Variants in SMTN observed in about 807,000 individuals in gnomAD.
SMTN encodes the protein smoothelin.
Under a neutral mutation model 102.0 loss-of-function variants are expected in SMTN, and 58 were observed. The ratio of observed to expected loss-of-function variants is 0.57; its 90% CI spans 0.46 to 0.71. The LOEUF (loss-of-function observed/expected upper bound fraction) is 0.71, where lower values mean the gene tolerates loss of function less well. Among genes scored for constraint, SMTN ranks in the 30% least tolerant of loss-of-function variants. SMTN has a pLI of 0.00. For synonymous variants in SMTN, 478 were observed against 497.9 expected, an observed-to-expected ratio of 0.96 and a Z score of 0.53; for missense variants, 1,185 against 1,241.7, an observed-to-expected ratio of 0.95 and a Z score of 0.69.
At position 31,083,327 on chromosome 22, in the gene SMTN, C is replaced by T; in HGVS notation, c.51+18C>T. The T allele has an allele frequency of 1.3e-6, 2 of 1,543,470 alleles. No individual in the cohort carries two copies. Among genetic ancestry groups the T allele is most frequent in the Non-Finnish European group, 1.7e-6 (2 of 1,144,736 alleles). Reference sequence around the variant, plus strand: ...GGAAGCTGGTAAGTGGCCCCATCACCCACTGTGGGGACAGGAAAGCCAAGC... The same window carrying T: ...GGAAGCTGGTAAGTGGCCCCATCACTCACTGTGGGGACAGGAAAGCCAAGC... On this transcript the variant is annotated intron_variant, in intron 2 of 20. Transcript: ENST00000333137.
chr22:31,075,081 G>A (rs759926641), intron 1 of SMTN, among the ~76,000 whole-genome samples: 25 of 152,096 alleles, frequency 1.6e-4, no homozygotes, highest in Non-Finnish European at 3.2e-4. Context: ...TGTCCCCACC[G>A]TACTCAAGTT....
intron 17 of SMTN, 66 bp from the exon 18 acceptor site, chr22:31,098,996 C>G: frequency 6.5e-7 from 1 of 1,547,406 alleles, no homozygotes; most frequent in East Asian, 2.2e-5. Context: ...CTGGGATCCA[C>G]TGGGTGGGCC....
In SMTN at chr22:31,104,129, C is replaced by A. The variant is rs1358387181; in HGVS notation, c.*21-187C>A. Reference sequence around the variant, plus strand: ...ACCTGCCTAGCTCTGCTCCCCCGCCCCGAGAGATGCCTCCAGGCTTGGGTA... The same window carrying A: ...ACCTGCCTAGCTCTGCTCCCCCGCCACGAGAGATGCCTCCAGGCTTGGGTA... On this transcript the variant is annotated intron_variant, in intron 20 of 20. Coordinates refer to ENST00000333137, the MANE Select transcript of SMTN (RefSeq NM_134269.3). 3.8e-5 allele frequency: 24 copies of A among 637,868 alleles called. No homozygotes were observed. The Admixed American group carries it at 7.1e-4, about 19-fold the overall frequency. The allele number at this position is 637,868 out of a possible 1,614,324, so 39.5% of individuals were successfully genotyped here. A position where few individuals can be genotyped will look rare whatever the true frequency, so the allele number is the denominator to read the frequency against.
At chr22:31,077,061 G>A (rs2042147103), upstream of SMTN, among the ~76,000 whole-genome samples, 1 of 152,144 alleles carries the variant, frequency 6.6e-6, no homozygotes, top group Non-Finnish European at 1.5e-5. Flanking sequence ...CAGTGCTCAG[G>A]CGTCATCCAA....
rs558445674 is a variant in SMTN at position 31,095,863 on chromosome 22, C to T, written c.1861+254C>T. ...CTTCTCCTTCCTAGACCCAGATACT[C>T]CCTCCCGCAGCTACTCTCTCCTTGG... is the stretch of plus-strand genomic sequence containing the variant. On this transcript the variant is annotated intron_variant, in intron 13 of 20. Transcript: ENST00000333137. The surrounding 1 kb of genome is among the most constrained non-coding windows in gnomAD (Gnocchi z 4.1). 1.3e-5 allele frequency: 7 copies of T among 558,380 alleles called. 1 individual carries two copies. In the African/African-American group the frequency reaches 1.3e-4, roughly 11 times the overall value. 34.6% of individuals were successfully genotyped at this position (558,380 alleles called of 1,614,324 possible). A position where few individuals can be genotyped will look rare whatever the true frequency, so the allele number is the denominator to read the frequency against.
chr22:31,091,235 G>A lies in SMTN; in HGVS notation c.1212G>A (p.Leu404=), dbSNP rs2043108773. 1.9e-6 allele frequency: 3 copies of A among 1,608,828 alleles called. No individual in the cohort carries two copies. In the Admixed American group the frequency reaches 5.1e-5, roughly 27 times the overall value. Residue 404 remains leucine, a synonymous_variant, in exon 10 of 21, where the codon CTG becomes CTA. Coordinates refer to ENST00000333137, the MANE Select transcript of SMTN (RefSeq NM_134269.3). ...AGCAACGAGGAGTAGCCCAGCCCCT[G>A]GCCCAGCTTCGAAGCTGCCCCCAGG... is the stretch of plus-strand genomic sequence containing the variant. ...SKEQRGVAQP[L]AQLRSCPQEE...
At chr22:31,071,236 T>C (rs921780233) in intron 1 of SMTN, among the ~76,000 whole-genome samples, 2 of 128,690 alleles carry the variant, frequency 1.6e-5, no homozygotes, top group African/African-American at 7.1e-5. Context: ...CTACACCCTG[T>C]CTCAAAAAAA....
chr22:31,086,493 A>G (rs115035456), intron 2 of SMTN, among the ~76,000 whole-genome samples: 2,346 of 152,244 alleles, frequency 0.015, 62 homozygotes, highest in African/African-American at 0.054. Context: ...GCCTCGGGGT[A>G]TCCTGCCCTT....
chr22:31,104,483 G>T lies in SMTN; in HGVS notation c.*188G>T. 2 of 1,600,486 alleles carry T rather than the reference G, an allele frequency of 1.2e-6. No homozygotes were observed. The highest frequency in any genetic ancestry group is 8.5e-7 in the Non-Finnish European group (1 of 1,176,412). On this transcript the variant is annotated 3_prime_UTR_variant, in exon 21 of 21. Coordinates refer to ENST00000333137, the MANE Select transcript of SMTN (RefSeq NM_134269.3). ...AATGTCTAGCCTGCCCGCCCGCATG[G>T]CCAGCCAGTGGCAAGCTGCCGCCCC...
In SMTN at chr22:31,089,739, C is replaced by A; in HGVS notation, c.512C>A (p.Ser171Ter). 1 of 1,608,166 alleles carries A rather than the reference C, an allele frequency of 6.2e-7. No individual in the cohort carries two copies. Among genetic ancestry groups the A allele is most frequent in the Admixed American group, 1.7e-5 (1 of 60,010 alleles). The change falls in exon 7 of 21, where the codon TCA (serine) becomes TAA (stop). Residue 171 changes from serine (S) to a stop codon, truncating the protein, a stop_gained. Transcript: ENST00000333137. LOFTEE classifies it high-confidence loss of function. ...GAACAGGAACAGCAGGCAGAGGTTTCAAAGCCAACCCCCACCCCTGAAGGC... is the reference window on the plus strand; with the variant it reads ...GAACAGGAACAGCAGGCAGAGGTTTAAAAGCCAACCCCCACCCCTGAAGGC... Reference protein sequence around the residue: ...REEQEQQAEVSKPTPTPEGTS... With the variant: ...REEQEQQAEV
At chr22:31,080,921 C>T (rs898696523), upstream of SMTN, among the ~76,000 whole-genome samples, 12 of 152,166 alleles carry the variant, frequency 7.9e-5, no homozygotes, top group Admixed American at 3.9e-4. Context: ...CAAGCTTAAA[C>T]ACTGACGCGA....
intron 1 of SMTN, among the ~76,000 whole-genome samples, chr22:31,075,196 T>A (rs1481862710): frequency 6.6e-6 from 1 of 152,168 alleles, no homozygotes; most frequent in East Asian, 1.9e-4. Context: ...GGCAAGTCAC[T>A]TTTCTCTCTG....
chr22:31,082,955 C>T lies in SMTN; in HGVS notation c.-80-224C>T, dbSNP rs1024836927. On this transcript the variant is annotated intron_variant, in intron 1 of 20. Transcript: ENST00000333137. ...CATCCCAGGCCACACAGCAGACTGG[C>T]GGCCAAGCTGGCAGGGCTGGAACCA... 55 of 1,495,452 alleles carry T rather than the reference C, an allele frequency of 3.7e-5. No individual in the cohort carries two copies. The highest frequency in any genetic ancestry group is 4.5e-5 in the Non-Finnish European group (49 of 1,096,818). The allele number at this position is 1,495,452 out of a possible 1,614,324, so 92.6% of individuals were successfully genotyped here.
intron 1 of SMTN, chr22:31,082,287 G>A (rs934570831): frequency 6.6e-5 from 19 of 287,016 alleles, no homozygotes; most frequent in African/African-American, 3.7e-4. Flanking sequence ...AGAGATCTGC[G>A]CTGGGAGGCT....
In SMTN at chr22:31,098,989, G is replaced by A. The variant is rs781424687; in HGVS notation, c.2334-73G>A. 6 of 1,539,682 alleles carry A rather than the reference G, an allele frequency of 3.9e-6. No homozygotes were observed. In the Admixed American group the frequency reaches 8.3e-5, roughly 21 times the overall value. On this transcript the variant is annotated intron_variant, in intron 17 of 20. Coordinates refer to ENST00000333137, the MANE Select transcript of SMTN (RefSeq NM_134269.3). ...CGAAGGTCATGGAAGGCGGGGCCTG[G>A]GATCCACTGGGTGGGCCCACCGAGG...
chr22:31,093,950 C>T (rs2043358030), intron 11 of SMTN: 1 of 983,528 alleles, frequency 1.0e-6, no homozygotes, highest in African/African-American at 1.6e-5. Context: ...AGGTATGTCA[C>T]CACCTTCTCT....
intron 20 of SMTN, 70 bp from the exon 21 acceptor site, chr22:31,104,246 C>G (rs2044318932): frequency 1.3e-6 from 2 of 1,567,906 alleles, no homozygotes; most frequent in Non-Finnish European, 1.7e-6. Context: ...TAAAAAAGAC[C>G]TTGGGGTAGA....
chr22:31,091,627 C>T, intron 10 of SMTN, 48 bp from the exon 11 acceptor site: 1 of 1,546,634 alleles, frequency 6.5e-7, no homozygotes, highest in Non-Finnish European at 8.8e-7. Flanking sequence ...TCTGGCACTG[C>T]CCTCACTCCA....
At position 31,097,073 on chromosome 22, in the gene SMTN, G is replaced by A. The variant is rs776777721; in HGVS notation, c.2089+13G>A. The A allele has an allele frequency of 2.0e-5, 32 of 1,613,378 alleles. No individual in the cohort carries two copies. Among genetic ancestry groups the A allele is most frequent in the Non-Finnish European group, 2.6e-5 (31 of 1,179,482 alleles). On this transcript the variant is annotated intron_variant, in intron 15 of 20. Coordinates refer to ENST00000333137, the MANE Select transcript of SMTN (RefSeq NM_134269.3). ...AGGCGCTCGGAGAGTAAGGCCACCT[G>A]GTGTCGCCCTGTGCCTGCCTGCCTG...
Sources: gnomAD v4.1 joint callset for allele counts (sites outside exome capture counted in the v4.1 genomes callset) on GRCh38, gnomAD v4.1.1 for gene constraint, Gnocchi (gnomAD v3.1) non-coding constraint, MANE v1.5 for transcripts, NCBI Gene and HGNC (gene_info 2026-07-23, HGNC 2026-07-21) for gene names.